MMP28: variants seen among roughly 807,000 people sequenced by gnomAD.
MMP28 encodes the protein matrix metallopeptidase 28, also known as matrix metalloproteinase-28.
Under a neutral mutation model 60.5 loss-of-function variants are expected in MMP28, and 55 were observed. The observed-to-expected ratio is 0.91, with a 90% confidence interval of 0.73 to 1.14. The LOEUF (loss-of-function observed/expected upper bound fraction) is 1.14, where lower values mean the gene tolerates loss of function less well. Ranked by LOEUF, MMP28 falls within the 50% of genes most tolerant of loss-of-function variation. The pLI is 0.00. For missense variants in MMP28, 686 were observed against 738.3 expected, an observed-to-expected ratio of 0.93 and a Z score of 0.82; for synonymous variants, 318 against 312.5, an observed-to-expected ratio of 1.02 and a Z score of -0.18.
rs1555604852 is a variant in MMP28, at chr17:35,770,112, C to T, written c.805G>A (p.Ala269Thr). The change falls in exon 5 of 8, where the codon GCG becomes ACG. Residue 269 changes from alanine (A) to threonine (T), a missense_variant. Physicochemically the swap from Ala to Thr is moderately conservative, Grantham distance 58. Transcript: ENST00000605424. The part of the protein sequence containing the change: ...APYYKRLGRD[A>T]LLSWDDVLAV... Reference sequence around the variant, plus strand: ...AGCACGTCGTCCCAGCTGAGCAGCGCGTCGCGGCCCAGCCTCTTGTAGTAG... The same window carrying T: ...AGCACGTCGTCCCAGCTGAGCAGCGTGTCGCGGCCCAGCCTCTTGTAGTAG... 1.9e-6 allele frequency: 3 copies of T among 1,604,142 alleles called. No homozygotes were observed. Among genetic ancestry groups the T allele is most frequent in the Non-Finnish European group, 2.6e-6 (3 of 1,176,060 alleles).
At chr17:35,795,161 G>A in intron 1 of MMP28, 106 bp downstream of exon 1, 1 of 686,644 alleles carries the variant, frequency 1.5e-6, no homozygotes. Flanking sequence ...CAGGGGTAGG[G>A]TAACGCAGAT....
Position 35,768,136 on chromosome 17 carries a change from T to C in MMP28, c.1000+94A>G, listed in dbSNP as rs2086002392. ...CTTGTGGCTTGGGATTTCTGGCTTT[T>C]ACAGTCCATCCCCCCAACTTGTACT... On this transcript the variant is annotated intron_variant, in intron 6 of 7. Transcript: ENST00000605424. 2.7e-6 allele frequency: 4 copies of C among 1,468,094 alleles called. No homozygotes were observed. In the Admixed American group the frequency reaches 9.6e-5, roughly 35 times the overall value. 90.9% of individuals were successfully genotyped at this position (1,468,094 alleles called of 1,614,324 possible).
At chr17:35,793,736 G>A (rs1036221277) in intron 1 of MMP28, among the ~76,000 whole-genome samples, 1 of 152,148 alleles carries the variant, frequency 6.6e-6, no homozygotes, top group African/African-American at 2.4e-5. Context: ...GCAGTTTGAG[G>A]GCAGGAAAGA....
intron 2 of MMP28, among the ~76,000 whole-genome samples, chr17:35,759,666 A>G (rs1256503001): frequency 6.6e-6 from 1 of 151,920 alleles, no homozygotes; most frequent in African/African-American, 2.4e-5. Flanking sequence ...GCGCCACTGC[A>G]CTCCAGCCTG....
chr17:35,764,743 T>G, downstream of MMP28: 6 of 1,068,292 alleles, frequency 5.6e-6, no homozygotes, highest in Middle Eastern at 3.1e-4. Context: ...TCTCAGCTGC[T>G]GCCCAGAGCG....
intron 3 of MMP28, chr17:35,778,558 AAAATAAC>A: frequency 4.7e-6 from 2 of 426,372 alleles, no homozygotes; most frequent in Non-Finnish European, 8.4e-6. Flanking sequence ...AATTCTGATG[AAAATAAC>A]TTCAGTAAAT....
At chr17:35,764,283 GC>G, downstream of MMP28, 1 of 1,526,894 alleles carries the variant, frequency 6.5e-7, no homozygotes. Flanking sequence ...GGCTGGCTCG[GC>G]CCCTTAGCGC....
At chr17:35,778,725 C>A in intron 3 of MMP28, 163 bp downstream of exon 3, 2 of 1,449,548 alleles carry the variant, frequency 1.4e-6, no homozygotes, top group South Asian at 2.8e-5. Context: ...TCTGTATTCA[C>A]AATCATGGTC....
At chr17:35,777,387 C>T (rs2086364389) in intron 3 of MMP28, among the ~76,000 whole-genome samples, 1 of 152,220 alleles carries the variant, frequency 6.6e-6, no homozygotes, top group Admixed American at 6.5e-5. Context: ...TGACTCCTTG[C>T]TTTACCAGGA....
chr17:35,789,262 A>G (rs1363914444), intron 1 of MMP28, among the ~76,000 whole-genome samples: 1 of 152,328 alleles, frequency 6.6e-6, no homozygotes, highest in Non-Finnish European at 1.5e-5. Context: ...ACACATATAT[A>G]GAGGCACAAG....
chr17:35,794,941 C>T (rs552144137), intron 1 of MMP28, among the ~76,000 whole-genome samples: 127 of 152,312 alleles, frequency 8.3e-4, no homozygotes, highest in Non-Finnish European at 1.6e-3. Context: ...ACGAATGAAC[C>T]TCATTCTCCC....
At chr17:35,779,879 C>T (rs954037630) in intron 1 of MMP28, among the ~76,000 whole-genome samples, 3 of 152,010 alleles carry the variant, frequency 2.0e-5, no homozygotes, top group African/African-American at 7.3e-5. Context: ...ATGTGTTATG[C>T]GTTACGTGCA....
chr17:35,766,998 C>G lies in MMP28; in HGVS notation c.1169-104G>C, dbSNP rs903585834. ...CTCTGCTCTCCTTTAAGCTGGAGCC[C>G]ACGATGGTTGGTATTCATATCAATC... On this transcript the variant is annotated intron_variant, in intron 7 of 7. Transcript: ENST00000605424. This position sits in a 1 kb window ranked among gnomAD's most constrained non-coding sequence, Gnocchi z 4.3. The G allele has an allele frequency of 4.6e-6, 5 of 1,092,832 alleles. No homozygotes were observed. The highest frequency in any genetic ancestry group is 6.7e-6 in the Non-Finnish European group (5 of 741,378). 67.7% of individuals were successfully genotyped at this position (1,092,832 alleles called of 1,614,324 possible). A position where few individuals can be genotyped will look rare whatever the true frequency, so the allele number is the denominator to read the frequency against.
intron 6 of MMP28, 82 bp from the exon 7 acceptor site, chr17:35,768,001 GT>G (rs1414774667): frequency 1.2e-5 from 17 of 1,475,634 alleles, no homozygotes; most frequent in Admixed American, 2.3e-5. Flanking sequence ...CTGGAAGCCA[GT>G]TTCCCAAATG....
chr17:35,783,529 C>T (rs1445981262), intron 1 of MMP28, among the ~76,000 whole-genome samples: 1 of 152,158 alleles, frequency 6.6e-6, no homozygotes, highest in African/African-American at 2.4e-5. Context: ...ATTAATGTCT[C>T]CTTAGAGGCA....
Position 35,766,659 on chromosome 17 carries a change from G to C in MMP28, c.1404C>G (p.Gly468=). 6.2e-7 allele frequency: 1 copy of C among 1,610,868 alleles called. No homozygotes were observed. Among genetic ancestry groups the C allele is most frequent in the Non-Finnish European group, 8.5e-7 (1 of 1,178,836 alleles). The change falls in exon 8 of 8, where the codon GGC becomes GGG. Residue 468 remains glycine, a synonymous_variant. Coordinates refer to ENST00000605424, the MANE Select transcript of MMP28 (RefSeq NM_024302.5). This position sits in a 1 kb window ranked among gnomAD's most constrained non-coding sequence, Gnocchi z 4.3. Reference sequence around the variant, plus strand: ...TGGAGCCATCGGGCCTCGGCAGGGCGCCGCTGACCTCCTCAGGGATGCCTC... The same window carrying C: ...TGGAGCCATCGGGCCTCGGCAGGGCCCCGCTGACCTCCTCAGGGATGCCTC... ...DWGGIPEEVS[G]ALPRPDGSII...
chr17:35,777,334 T>C (rs1371088495), intron 3 of MMP28, among the ~76,000 whole-genome samples: 6 of 152,216 alleles, frequency 3.9e-5, no homozygotes, highest in African/African-American at 1.4e-4. Flanking sequence ...ACAGAACATG[T>C]TGACACCAAG....
chr17:35,764,414 C>T (rs1419670465), downstream of MMP28: 12 of 1,522,104 alleles, frequency 7.9e-6, no homozygotes, highest in South Asian at 2.5e-5. Context: ...AGCGCCTGGT[C>T]CCCGCCGGCA....
chr17:35,774,235 C>G (rs1161525105), intron 3 of MMP28, among the ~76,000 whole-genome samples: 1 of 152,216 alleles, frequency 6.6e-6, no homozygotes, highest in South Asian at 2.1e-4. Flanking sequence ...TCAGCGTGCA[C>G]CCGGCAGCAG....
Sources: allele counts gnomAD v4.1 joint callset (sites outside exome capture counted in the v4.1 genomes callset), GRCh38; gene constraint gnomAD v4.1.1; non-coding constraint Gnocchi (gnomAD v3.1); transcripts MANE v1.5; gene names NCBI Gene and HGNC (gene_info 2026-07-23, HGNC 2026-07-21).